The following CLASRP variants were observed in gnomAD, a reference collection of about 807,000 sequenced individuals.
The protein encoded by CLASRP is CLK4-associating serine/arginine rich protein.
In CLASRP, 52 loss-of-function variants were observed where a neutral mutation model predicts 99.9. The ratio of observed to expected loss-of-function variants is 0.52; its 90% confidence interval spans 0.42 to 0.66. The LOEUF (loss-of-function observed/expected upper bound fraction) is 0.66, where lower values mean the gene tolerates loss of function less well. Ranked by LOEUF, CLASRP falls within the 30% of genes least tolerant of loss-of-function variation. CLASRP has a pLI of 0.00. For synonymous variants in CLASRP, 379 were observed against 373.0 expected (o/e 1.02, Z -0.18); for missense variants, 848 against 999.2 (o/e 0.85, Z 2.04).
At chr19:45,068,515 CTCT>C (rs773976681) in intron 16 of CLASRP, 35 bp downstream of exon 16, 4 of 1,512,532 alleles carry the variant, frequency 2.6e-6, no homozygotes, top group Non-Finnish European at 3.7e-6. Flanking sequence ...GGTTTCACAG[CTCT>C]TCTTTCCCTT....
intron 16 of CLASRP, 117 bp downstream of exon 16, chr19:45,068,597 G>A: frequency 3.9e-6 from 3 of 775,708 alleles, no homozygotes; most frequent in Admixed American, 3.8e-5. Context: ...GGCCACGCAG[G>A]CACGGAGGTG....
At chr19:45,059,736 T>C (rs1407538225) in intron 8 of CLASRP, among the ~76,000 whole-genome samples, 2 of 152,160 alleles carry the variant, frequency 1.3e-5, no homozygotes, top group Non-Finnish European at 2.9e-5. Flanking sequence ...CCTGCTGAGC[T>C]CACAAGACCA....
intron 2 of CLASRP, among the ~76,000 whole-genome samples, chr19:45,047,768 AAATG>A (rs1475164910): frequency 2.3e-4 from 35 of 152,274 alleles, no homozygotes; most frequent in African/African-American, 8.2e-4. Context: ...TTAAGATGGT[AAATG>A]TTTTCTACCA....
Position 45,059,338 on chromosome 19 carries a change from T to C in CLASRP, c.684T>C (p.Tyr228=), listed in dbSNP as rs756386543. ...ATCTCAACAAACAGGCCACGACTTA[T>C]GGCATGGCCGACGGTGACTTCGTCA... ...VADLNKQATT[Y]GMADGDFVRM... The change falls in exon 8 of 21, where the codon TAT becomes TAC. Residue 228 remains tyrosine, a synonymous_variant. Coordinates refer to ENST00000221455, the MANE Select transcript of CLASRP (RefSeq NM_007056.3). 7 of 1,600,408 alleles carry C rather than the reference T, an allele frequency of 4.4e-6. No homozygotes were observed. The highest frequency in any genetic ancestry group is 6.0e-6 in the Non-Finnish European group (7 of 1,173,228).
chr19:45,041,655 C>T (rs1971816206), intron 2 of CLASRP, among the ~76,000 whole-genome samples: 1 of 152,202 alleles, frequency 6.6e-6, no homozygotes, highest in Non-Finnish European at 1.5e-5. Flanking sequence ...AGAGGCCTTT[C>T]TAAAGCACAA....
At chr19:45,047,299 T>C (rs1010426447) in intron 2 of CLASRP, among the ~76,000 whole-genome samples, 1 of 151,456 alleles carries the variant, frequency 6.6e-6, no homozygotes, top group African/African-American at 2.4e-5. Flanking sequence ...TATGATCCGC[T>C]GATAAGTATC....
chr19:45,069,916 C>T (rs1467787912), intron 18 of CLASRP, 106 bp from the exon 19 acceptor site: 1 of 686,184 alleles, frequency 1.5e-6, no homozygotes. Context: ...GTACCGGCCC[C>T]CTTGGTTTAC....
intron 8 of CLASRP, among the ~76,000 whole-genome samples, chr19:45,059,970 CT>C (rs1421526753): frequency 7.5e-6 from 1 of 133,804 alleles, no homozygotes; most frequent in African/African-American, 2.7e-5. Flanking sequence ...GGGCCAGCCC[CT>C]GGGCCACTCT....
chr19:45,052,748 T>G (rs1972047919), intron 3 of CLASRP, 43 bp from the exon 4 acceptor site: 1 of 1,455,098 alleles, frequency 6.9e-7, no homozygotes, highest in East Asian at 2.3e-5. Flanking sequence ...CTGGGCAGTA[T>G]GGACCCTGAG....
At position 45,060,573 on chromosome 19, in the gene CLASRP, A is replaced by T. The variant is rs1330775703; in HGVS notation, c.809A>T (p.Gln270Leu). ...AMYSGRRSRR[Q>L]RREFREKRLR... Reference sequence around the variant, plus strand: ...CTCCAGGGACGCCGCTCTCGACGCCAGCGGAGAGAGTTTCGGGAGAAGCGG... The same window carrying T: ...CTCCAGGGACGCCGCTCTCGACGCCTGCGGAGAGAGTTTCGGGAGAAGCGG... Residue 270 changes from glutamine to leucine, a missense_variant, in exon 10 of 21, where the codon CAG becomes CTG. Coordinates refer to ENST00000221455, the MANE Select transcript of CLASRP (RefSeq NM_007056.3). The surrounding 1 kb of genome is among the most constrained non-coding windows in gnomAD (Gnocchi z 4.6). 6.2e-7 allele frequency: 1 copy of T among 1,612,988 alleles called. No homozygotes were observed. The highest frequency in any genetic ancestry group is 1.7e-5 in the Admixed American group (1 of 59,954).
In CLASRP at chr19:45,056,403, CTA is replaced by C. The variant is rs756283796; in HGVS notation, c.380-46_380-45del. 1.9e-6 allele frequency: 3 copies of C among 1,569,172 alleles called. No individual in the cohort carries two copies. The African/African-American group carries it at 4.1e-5, about 21-fold the overall frequency. ...ACCCTTGTGTTCCCCCACTGAATTC[CTA>C]GTGTCCCCAACCCACTCTGACCTGG... On this transcript the variant is annotated intron_variant, in intron 5 of 20. Coordinates refer to ENST00000221455, the MANE Select transcript of CLASRP (RefSeq NM_007056.3).
intron 13 of CLASRP, among the ~76,000 whole-genome samples, chr19:45,065,047 G>A (rs192452151): frequency 2.6e-4 from 40 of 152,260 alleles, no homozygotes; most frequent in Admixed American, 2.0e-3. Flanking sequence ...GGAGGGGCGC[G>A]TTCCTGTGTG....
chr19:45,042,113 A>G (rs900099141), intron 2 of CLASRP, among the ~76,000 whole-genome samples: 4 of 152,154 alleles, frequency 2.6e-5, no homozygotes, highest in Admixed American at 2.0e-4. Context: ...GGGCCAAGGC[A>G]GGTGGATCAC....
At chr19:45,047,694 C>T (rs191115532) in intron 2 of CLASRP, 21 of 152,298 alleles carry the variant, frequency 1.4e-4, no homozygotes, top group African/African-American at 4.8e-4. Flanking sequence ...TTAAAAAGTT[C>T]TAAAGCTCTG....
At chr19:45,056,591 G>A in intron 6 of CLASRP, 57 bp downstream of exon 6, 1 of 1,364,510 alleles carries the variant, frequency 7.3e-7, no homozygotes, top group South Asian at 1.2e-5. Flanking sequence ...GGGAGCCCCA[G>A]CCAGGCATGG....
At chr19:45,050,066 G>T (rs532693017) in intron 2 of CLASRP, among the ~76,000 whole-genome samples, 66 of 152,226 alleles carry the variant, frequency 4.3e-4, no homozygotes, top group African/African-American at 1.6e-3. Context: ...ACAGAGGTCC[G>T]AGCAGAAGCA....
At chr19:45,051,296 A>G (rs1221102521) in intron 2 of CLASRP, among the ~76,000 whole-genome samples, 1 of 151,864 alleles carries the variant, frequency 6.6e-6, no homozygotes, top group Admixed American at 6.6e-5. Flanking sequence ...AGGAACCAAT[A>G]GCTTATTTCT....
intron 13 of CLASRP, among the ~76,000 whole-genome samples, chr19:45,066,190 G>A (rs1340173721): frequency 1.3e-5 from 2 of 151,714 alleles, no homozygotes; most frequent in South Asian, 2.1e-4. Context: ...GCACAATCTC[G>A]GCTCACTGCA....
chr19:45,039,921 G>A, intron 1 of CLASRP: 1 of 259,478 alleles, frequency 3.9e-6, no homozygotes. Context: ...ACTCCAGCGC[G>A]TGGAATCTAG....
Sources: gnomAD v4.1 joint callset for allele counts (sites outside exome capture counted in the v4.1 genomes callset) on GRCh38, gnomAD v4.1.1 for gene constraint, Gnocchi (gnomAD v3.1) non-coding constraint, MANE v1.5 for transcripts, NCBI Gene and HGNC (gene_info 2026-07-23, HGNC 2026-07-21) for gene names.